PTPRD: variants seen among roughly 807,000 people sequenced by gnomAD.
The protein encoded by PTPRD is receptor-type tyrosine-protein phosphatase delta.
PTPRD carries 34 observed loss-of-function variants against 214.5 expected under a neutral mutation model. The observed-to-expected ratio is 0.16, with a 90% CI of 0.12 to 0.21. PTPRD has a LOEUF of 0.21. Among genes scored for constraint, PTPRD ranks in the 10% least tolerant of loss-of-function variants. The pLI, the probability that PTPRD is intolerant of heterozygous loss-of-function variation, is 1.00. For synonymous variants in PTPRD, 1,128 were observed against 845.7 expected (o/e 1.33, Z -5.79); for missense variants, 2,545 against 2,398.7 (o/e 1.06, Z -1.27).
intron 10 of PTPRD, among the ~76,000 whole-genome samples, chr9:9,049,933 T>C (rs546192380): frequency 1.3e-5 from 2 of 152,322 alleles, no homozygotes; most frequent in African/African-American, 4.8e-5. Flanking sequence ...ACATTAATGG[T>C]TCCTGAGTCA....
At chr9:9,763,087 A>C (rs2154477026) in intron 6 of PTPRD, among the ~76,000 whole-genome samples, 1 of 152,240 alleles carries the variant, frequency 6.6e-6, no homozygotes, top group East Asian at 1.9e-4. Context: ...AATTCTATCA[A>C]ATTAGGATCC....
At chr9:10,487,159 T>C (rs539679219) in intron 2 of PTPRD, among the ~76,000 whole-genome samples, 1 of 152,278 alleles carries the variant, frequency 6.6e-6, no homozygotes, top group South Asian at 2.1e-4. Context: ...TCTCTTTCCA[T>C]TCCTTTATTT....
At chr9:8,890,157 C>A (rs773520090) in intron 11 of PTPRD, among the ~76,000 whole-genome samples, 2 of 152,082 alleles carry the variant, frequency 1.3e-5, no homozygotes, top group Non-Finnish European at 2.9e-5. Flanking sequence ...TCAGAATATT[C>A]TCATCAAAAA....
At chr9:10,610,443 T>A (rs1185709381) in intron 2 of PTPRD, among the ~76,000 whole-genome samples, 13 of 152,172 alleles carry the variant, frequency 8.5e-5, no homozygotes. Flanking sequence ...TGTAATAACA[T>A]GTTTGAACCA....
intron 3 of PTPRD, among the ~76,000 whole-genome samples, chr9:10,224,304 G>C (rs547854896): frequency 4.0e-5 from 6 of 151,886 alleles, no homozygotes; most frequent in Non-Finnish European, 7.4e-5. Flanking sequence ...TATAAAATGT[G>C]CACAAATTTG....
At chr9:8,999,241 G>A (rs2099408445) in intron 11 of PTPRD, among the ~76,000 whole-genome samples, 1 of 151,980 alleles carries the variant, frequency 6.6e-6, no homozygotes, top group African/African-American at 2.4e-5. Flanking sequence ...AATCTTTCAT[G>A]AAAGGAAAAG....
intron 14 of PTPRD, among the ~76,000 whole-genome samples, chr9:8,618,833 A>C (rs1041281606): frequency 6.7e-6 from 1 of 149,014 alleles, no homozygotes; most frequent in Non-Finnish European, 1.5e-5. Context: ...AGGGGTTGAG[A>C]CTACAGGTGC....
chr9:8,430,193 G>T (rs1189587797), intron 35 of PTPRD, among the ~76,000 whole-genome samples: 1 of 152,082 alleles, frequency 6.6e-6, no homozygotes, highest in Non-Finnish European at 1.5e-5. Flanking sequence ...ACCACATTGG[G>T]AACTAGTTTT....
At chr9:8,955,355 G>T (rs1030659448) in intron 11 of PTPRD, among the ~76,000 whole-genome samples, 1 of 151,782 alleles carries the variant, frequency 6.6e-6, no homozygotes, top group African/African-American at 2.4e-5. Context: ...GATAGATAGA[G>T]ATAGTCCTAC....
At chr9:8,562,030 T>A (rs1376912174) in intron 14 of PTPRD, among the ~76,000 whole-genome samples, 1 of 152,168 alleles carries the variant, frequency 6.6e-6, no homozygotes, top group African/African-American at 2.4e-5. Context: ...GGGAATAACC[T>A]AATATCAATT....
chr9:8,444,726 C>T (rs2095661304), intron 34 of PTPRD, among the ~76,000 whole-genome samples: 1 of 152,020 alleles, frequency 6.6e-6, no homozygotes, highest in Admixed American at 6.6e-5. Flanking sequence ...TTTCTATTTT[C>T]CAAAATTTCC....
intron 4 of PTPRD, among the ~76,000 whole-genome samples, chr9:9,952,659 A>C (rs2093562113): frequency 6.6e-6 from 1 of 152,108 alleles, no homozygotes; most frequent in Admixed American, 6.5e-5. Context: ...TTCCCTAAAG[A>C]GTCCTTGCAC....
At chr9:10,367,549 A>G (rs1411845279) in intron 2 of PTPRD, among the ~76,000 whole-genome samples, 2 of 152,196 alleles carry the variant, frequency 1.3e-5, no homozygotes, top group Non-Finnish European at 2.9e-5. Context: ...GGGGAAATAA[A>G]TAACAAGCCA....
chr9:8,317,699 A>C lies in PTPRD; in HGVS notation c.*175T>G, dbSNP rs1822911073. ...TTTCAGGTTAGATTATTAAACTGTG[A>C]ATTCTTGGTCCACCTGGAATAATTT... On this transcript the variant is annotated 3_prime_UTR_variant, in exon 46 of 46. Transcript: ENST00000381196. 5.8e-6 allele frequency: 3 copies of C among 519,358 alleles called. No homozygotes were observed. In the East Asian group the frequency reaches 8.4e-5, roughly 14 times the overall value. 32.2% of individuals were successfully genotyped at this position (519,358 alleles called of 1,614,324 possible).
At chr9:9,407,594 G>C (rs2073960467) in intron 8 of PTPRD, among the ~76,000 whole-genome samples, 1 of 151,692 alleles carries the variant, frequency 6.6e-6, no homozygotes, top group African/African-American at 2.4e-5. Context: ...TTATACCATA[G>C]TGATTTAGAA....
In PTPRD at chr9:8,317,015, C is replaced by G. The variant is rs941110005; in HGVS notation, c.*859G>C. ...AGCAGCAACTTTATACTTTGCGCCT[C>G]CCTGTTGATTCCAAAAACAAAACAA... On this transcript the variant is annotated 3_prime_UTR_variant, in exon 46 of 46. Transcript: ENST00000381196. The G allele has an allele frequency of 8.6e-6, 2 of 231,524 alleles. No homozygotes were observed. The highest frequency in any genetic ancestry group is 1.7e-5 in the Non-Finnish European group (2 of 116,808). 14.3% of individuals were successfully genotyped at this position (231,524 alleles called of 1,614,324 possible). A position where few individuals can be genotyped will look rare whatever the true frequency, so the allele number is the denominator to read the frequency against.
intron 10 of PTPRD, among the ~76,000 whole-genome samples, chr9:9,147,273 G>A (rs1211108108): frequency 6.6e-6 from 1 of 151,112 alleles, no homozygotes; most frequent in Non-Finnish European, 1.5e-5. Context: ...TAATCACAGT[G>A]ACTCTGGAAC....
At chr9:9,770,156 T>C (rs751665580) in intron 5 of PTPRD, among the ~76,000 whole-genome samples, 4 of 152,250 alleles carry the variant, frequency 2.6e-5, no homozygotes, top group Non-Finnish European at 4.4e-5. Context: ...ATGGTACTTC[T>C]AGTTCTAGAT....
At chr9:9,905,089 T>C (rs1322573253) in intron 5 of PTPRD, among the ~76,000 whole-genome samples, 1 of 152,064 alleles carries the variant, frequency 6.6e-6, no homozygotes, top group African/African-American at 2.4e-5. Flanking sequence ...AATGAGAGCA[T>C]ACCATCTAAG....
Sources: allele counts gnomAD v4.1 joint callset (sites outside exome capture counted in the v4.1 genomes callset), GRCh38; gene constraint gnomAD v4.1.1; transcripts MANE v1.5; gene names NCBI Gene and HGNC (gene_info 2026-07-23, HGNC 2026-07-21).